ADAM22: variants seen among roughly 807,000 people sequenced by gnomAD.
The protein encoded by ADAM22 is disintegrin and metalloproteinase domain-containing protein 22.
A neutral mutation model predicts 144.6 loss-of-function variants in ADAM22; 65 were observed. That is an observed-to-expected ratio of 0.45 (90% CI 0.37 to 0.55). The LOEUF is 0.55. ADAM22 is among the 20% of genes least tolerant of loss of function. The pLI is 0.00. For synonymous variants in ADAM22, 391 were observed against 412.6 expected (o/e 0.95, Z 0.63); for missense variants, 974 against 1,184.9 (o/e 0.82, Z 2.61).
intron 2 of ADAM22, among the ~76,000 whole-genome samples, chr7:87,946,187 G>A (rs1843649227): frequency 6.6e-6 from 1 of 151,874 alleles, no homozygotes; most frequent in Admixed American, 6.6e-5. Flanking sequence ...CTGCTTTTGA[G>A]GAGTGTCTAT....
At chr7:88,169,683 T>A (rs998030572) in intron 25 of ADAM22, among the ~76,000 whole-genome samples, 3 of 152,144 alleles carry the variant, frequency 2.0e-5, no homozygotes, top group Non-Finnish European at 4.4e-5. Flanking sequence ...TTTGGAGTTA[T>A]CAAATCATAT....
intron 7 of ADAM22, 73 bp downstream of exon 7, chr7:88,116,887 C>A: frequency 1.7e-6 from 2 of 1,148,638 alleles, no homozygotes; most frequent in South Asian, 1.3e-5. Flanking sequence ...TAGAACTAAT[C>A]TATATTTGGA....
intron 3 of ADAM22, among the ~76,000 whole-genome samples, chr7:88,011,984 C>A (rs186252159): frequency 6.6e-6 from 1 of 151,330 alleles, no homozygotes; most frequent in Non-Finnish European, 1.5e-5. Flanking sequence ...ATAAGTCACA[C>A]CTTTGGAGAT....
chr7:88,105,727 G>A (rs1054407406), intron 4 of ADAM22, among the ~76,000 whole-genome samples: 3 of 152,082 alleles, frequency 2.0e-5, no homozygotes, highest in Non-Finnish European at 4.4e-5. Flanking sequence ...TCCCTACTTG[G>A]CAACTCCCCA....
intron 3 of ADAM22, among the ~76,000 whole-genome samples, chr7:87,987,142 T>C (rs1788676030): frequency 6.6e-6 from 1 of 152,208 alleles, no homozygotes; most frequent in Non-Finnish European, 1.5e-5. Context: ...TCATCAGAGC[T>C]CACTGCTATT....
At chr7:88,100,126 A>G (rs778402558) in intron 4 of ADAM22, among the ~76,000 whole-genome samples, 1 of 152,206 alleles carries the variant, frequency 6.6e-6, no homozygotes, top group African/African-American at 2.4e-5. Flanking sequence ...GTGATATACT[A>G]TACTTCTCTA....
intron 7 of ADAM22, among the ~76,000 whole-genome samples, chr7:88,122,618 G>C (rs145512069): frequency 7.4e-4 from 113 of 152,268 alleles, no homozygotes; most frequent in African/African-American, 2.6e-3. Context: ...AGGTGTGGAT[G>C]AGGGTTTTTG....
chr7:88,079,504 C>T (rs1410470462), intron 4 of ADAM22, among the ~76,000 whole-genome samples: 3 of 152,094 alleles, frequency 2.0e-5, no homozygotes, highest in Non-Finnish European at 2.9e-5. Flanking sequence ...CAATACTAAC[C>T]TTAAATGTAA....
chr7:88,085,765 C>G (rs1435711351), intron 4 of ADAM22, among the ~76,000 whole-genome samples: 1 of 152,208 alleles, frequency 6.6e-6, no homozygotes, highest in Non-Finnish European at 1.5e-5. Context: ...TCATCCTCCT[C>G]TTGTAAGATT....
intron 3 of ADAM22, among the ~76,000 whole-genome samples, chr7:88,005,106 G>T (rs1370614471): frequency 2.6e-5 from 4 of 152,078 alleles, no homozygotes; most frequent in Non-Finnish European, 5.9e-5. Context: ...GCCAACCTGG[G>T]CAATATAGGG....
Position 88,133,082 on chromosome 7 carries a change from G to A in ADAM22, c.1077+131G>A, listed in dbSNP as rs146880857. 3.1e-4 allele frequency: 234 copies of A among 752,028 alleles called. 2 individuals are homozygous for A. The African/African-American group carries it at 4.0e-3, about 13-fold the overall frequency. 46.6% of individuals were successfully genotyped at this position (752,028 alleles called of 1,614,324 possible). On this transcript the variant is annotated intron_variant, in intron 12 of 31. Transcript: ENST00000413139. ...TGCTATATTACAAATCAGTATGGTG[G>A]CCTGGCACAATGGCTTATTTCTGTA...
At chr7:88,000,465 A>G (rs927323707) in intron 3 of ADAM22, among the ~76,000 whole-genome samples, 11 of 152,204 alleles carry the variant, frequency 7.2e-5, no homozygotes, top group Admixed American at 3.9e-4. Flanking sequence ...GATTAAAAAA[A>G]CTGGAATAGG....
At position 88,124,628 on chromosome 7, in the gene ADAM22, A is replaced by T. The variant is rs571010510; in HGVS notation, c.608-961A>T. On this transcript the variant is annotated intron_variant, in intron 7 of 31. Coordinates refer to ENST00000413139, the MANE Select transcript of ADAM22 (RefSeq NM_001324418.2). ...TGATATGAGATGGGTTACTTTTGTA[A>T]TCTTGTTTTTCTGTTTGTCCTATTA... 2.6e-5 allele frequency among the ~76,000 whole-genome samples: 4 copies of T among 151,910 alleles called. No homozygotes were observed. In the South Asian group the frequency reaches 8.3e-4, roughly 32 times the overall value.
rs561936408 is a variant in ADAM22 at position 88,107,198 on chromosome 7, C to CTTTT, written c.391-956_391-953dup. On this transcript the variant is annotated intron_variant, in intron 4 of 31. Transcript: ENST00000413139. ...TTTGCTGCTGCTCATGATTGAATTT[C>CTTTT]TTTTTTTTTTTTTTTTTTTTTTTTT... 3.1e-3 allele frequency among the ~76,000 whole-genome samples: 234 copies of CTTTT among 76,556 alleles called. 8 individuals are homozygous for CTTTT. The highest frequency in any genetic ancestry group is 7.1e-3 in the African/African-American group (135 of 18,904). 50.2% of individuals were successfully genotyped at this position (76,556 alleles called of 152,430 possible). A position where few individuals can be genotyped will look rare whatever the true frequency, so the allele number is the denominator to read the frequency against.
chr7:88,181,398 G>T (rs1846974873), intron 27 of ADAM22, 107 bp from the exon 28 acceptor site: 3 of 834,136 alleles, frequency 3.6e-6, no homozygotes, highest in Non-Finnish European at 3.7e-6. Context: ...TTTCTTTCTT[G>T]ATTTATTTTA....
At chr7:88,079,503 C>A (rs1404172879) in intron 4 of ADAM22, among the ~76,000 whole-genome samples, 1 of 152,094 alleles carries the variant, frequency 6.6e-6, no homozygotes, top group Non-Finnish European at 1.5e-5. Context: ...ACAATACTAA[C>A]CTTAAATGTA....
intron 5 of ADAM22, among the ~76,000 whole-genome samples, chr7:88,109,461 A>C (rs967728877): frequency 6.6e-6 from 1 of 151,996 alleles, no homozygotes; most frequent in Non-Finnish European, 1.5e-5. Context: ...TGTTTGTTTT[A>C]CTTTTTGGCA....
At chr7:88,191,893 T>TG (rs1455530286) in intron 30 of ADAM22, among the ~76,000 whole-genome samples, 2 of 152,160 alleles carry the variant, frequency 1.3e-5, no homozygotes, top group African/African-American at 4.8e-5. Context: ...TTAGGGTGTG[T>TG]GGGAAAAATT....
chr7:88,127,987 A>T (rs1413956520), intron 8 of ADAM22, among the ~76,000 whole-genome samples: 1 of 151,944 alleles, frequency 6.6e-6, no homozygotes, highest in Non-Finnish European at 1.5e-5. Flanking sequence ...ATAACTCAAG[A>T]CTGCCTGGGA....
Sources: allele counts gnomAD v4.1 joint callset (sites outside exome capture counted in the v4.1 genomes callset), GRCh38; gene constraint gnomAD v4.1.1; transcripts MANE v1.5; gene names NCBI Gene and HGNC (gene_info 2026-07-23, HGNC 2026-07-21).